CACNA1C: variants seen among roughly 807,000 people sequenced by gnomAD.
CACNA1C encodes the protein voltage-dependent L-type calcium channel subunit alpha-1C.
In CACNA1C, 30 loss-of-function variants were observed where a neutral mutation model predicts 229.0. That is an observed-to-expected ratio of 0.13 (90% CI 0.10 to 0.18). The LOEUF (loss-of-function observed/expected upper bound fraction) is 0.18. Among genes scored for constraint, CACNA1C ranks in the 10% least tolerant of loss-of-function variants. The pLI is 1.00. For synonymous variants in CACNA1C, 1,114 were observed against 1,132.5 expected, an observed-to-expected ratio of 0.98 and a Z score of 0.33; for missense variants, 1,658 against 2,845.0, an observed-to-expected ratio of 0.58 and a Z score of 9.49.
chr12:2,484,549 A>G (rs2154570281), intron 5 of CACNA1C, among the ~76,000 whole-genome samples: 1 of 152,174 alleles, frequency 6.6e-6, no homozygotes, highest in African/African-American at 2.4e-5. Context: ...CCTGGAGGGG[A>G]GCCTCCCGAT....
At chr12:2,627,722 C>T (rs2153538906) in intron 29 of CACNA1C, among the ~76,000 whole-genome samples, 1 of 152,318 alleles carries the variant, frequency 6.6e-6, no homozygotes, top group East Asian at 1.9e-4. Context: ...CCTCCAGCTG[C>T]TTCCTGACTG....
At chr12:2,210,807 A>C (rs754576393) in intron 3 of CACNA1C, among the ~76,000 whole-genome samples, 1 of 152,160 alleles carries the variant, frequency 6.6e-6, no homozygotes, top group Non-Finnish European at 1.5e-5. Context: ...ACCCCAGCAC[A>C]TTTCTGGAGG....
intron 3 of CACNA1C, among the ~76,000 whole-genome samples, chr12:2,417,544 A>C (rs1350565689): frequency 6.6e-6 from 1 of 152,188 alleles, no homozygotes; most frequent in East Asian, 1.9e-4. Flanking sequence ...CTGTCGGATC[A>C]AGGGGCCCTG....
chr12:2,474,479 G>C (rs1478820326), intron 5 of CACNA1C, among the ~76,000 whole-genome samples: 1 of 152,216 alleles, frequency 6.6e-6, no homozygotes, highest in African/African-American at 2.4e-5. Context: ...GCCAGGCCAG[G>C]CGCAGTAGCT....
rs1385657296 is a variant in CACNA1C, at chr12:2,071,065, CCCTT to C, written c.49+17468_49+17471del. On this transcript the variant is annotated intron_variant, in intron 1 of 46. Coordinates refer to ENST00000399655, the MANE Select transcript of CACNA1C (RefSeq NM_000719.7). ...TTTCCCCTTCCCTTCCTCCCTCCCT[CCCTT>C]CCTTCCTTCCTTCTCTTTCTCCTTC... Among the ~76,000 whole-genome samples, 235 of 115,718 alleles carry C rather than the reference CCCTT, an allele frequency of 2.0e-3. 1 individual carries two copies. The highest frequency in any genetic ancestry group is 2.8e-3 in the Non-Finnish European group (154 of 55,116). The allele number at this position is 115,718 out of a possible 152,430, so 75.9% of individuals were successfully genotyped here. A position where few individuals can be genotyped will look rare whatever the true frequency, so the allele number is the denominator to read the frequency against.
intron 29 of CACNA1C, among the ~76,000 whole-genome samples, chr12:2,627,924 G>A (rs1245431876): frequency 6.6e-6 from 1 of 152,220 alleles, no homozygotes; most frequent in Admixed American, 6.5e-5. Context: ...CACAGGGCCG[G>A]GGAACTCAGG....
rs2099767068 is a variant in CACNA1C, at chr12:2,504,370, G to A, written c.1114-472G>A. ...GTCCCCTCCCAATCTGCTCACACCT[G>A]CTGCCTGCCTCTTTGCTGTAACCCA... On this transcript the variant is annotated intron_variant, in intron 7 of 46. Coordinates refer to ENST00000399655, the MANE Select transcript of CACNA1C (RefSeq NM_000719.7). The surrounding 1 kb of genome is among the most constrained non-coding windows in gnomAD (Gnocchi z 6.8). The A allele has an allele frequency of 5.6e-6, 5 of 891,474 alleles. No individual in the cohort carries two copies. The East Asian group carries it at 7.2e-5, about 13-fold the overall frequency. The allele number at this position is 891,474 out of a possible 1,614,324, so 55.2% of individuals were successfully genotyped here.
At chr12:2,462,835 C>T (rs2099520082) in intron 5 of CACNA1C, among the ~76,000 whole-genome samples, 1 of 151,300 alleles carries the variant, frequency 6.6e-6, no homozygotes, top group East Asian at 1.9e-4. Context: ...GTTTTTCTTA[C>T]AACAAATAGG....
chr12:2,059,845 T>C (rs1271256337), intron 1 of CACNA1C, among the ~76,000 whole-genome samples: 1 of 152,168 alleles, frequency 6.6e-6, no homozygotes, highest in Non-Finnish European at 1.5e-5. Context: ...CCACACTTGG[T>C]GCTGGCCCCC....
chr12:2,456,883 C>T (rs1463837725), intron 4 of CACNA1C, among the ~76,000 whole-genome samples: 1 of 152,230 alleles, frequency 6.6e-6, no homozygotes, highest in African/African-American at 2.4e-5. Context: ...TGCTATAGCC[C>T]CAGTGTCTGG....
intron 3 of CACNA1C, among the ~76,000 whole-genome samples, chr12:2,432,023 G>A (rs1349402968): frequency 6.6e-6 from 1 of 152,160 alleles, no homozygotes; most frequent in Non-Finnish European, 1.5e-5. Flanking sequence ...TTAAGGGCAG[G>A]TCCCCAGCTT....
intron 3 of CACNA1C, among the ~76,000 whole-genome samples, chr12:2,411,293 G>A (rs1217581117): frequency 1.3e-5 from 2 of 152,172 alleles, no homozygotes; most frequent in Non-Finnish European, 2.9e-5. Flanking sequence ...AAAGCAGGGT[G>A]ACTGGAAGTA....
intron 5 of CACNA1C, among the ~76,000 whole-genome samples, chr12:2,477,389 A>AC (rs1313530253): frequency 6.6e-6 from 1 of 152,190 alleles, no homozygotes; most frequent in East Asian, 1.9e-4. Context: ...GGCTCACAAA[A>AC]CTTAGAAGCC....
rs1428175722 is a variant in CACNA1C, at chr12:2,690,812, AC to A, written c.6118-83del. ...CACTTCCCCAAGTGACCTACCAGAT[AC>A]CCCCTCGCTCTAGCCCTCAAGGGAA... On this transcript the variant is annotated intron_variant, in intron 46 of 46. Transcript: ENST00000399655. 1.4e-5 allele frequency: 18 copies of A among 1,304,028 alleles called. No homozygotes were observed. The East Asian group carries it at 1.8e-4, about 13-fold the overall frequency. The allele number at this position is 1,304,028 out of a possible 1,614,324, so 80.8% of individuals were successfully genotyped here. A position where few individuals can be genotyped will look rare whatever the true frequency, so the allele number is the denominator to read the frequency against.
chr12:2,671,511 A>C (rs2096568992), intron 38 of CACNA1C, among the ~76,000 whole-genome samples: 1 of 152,208 alleles, frequency 6.6e-6, no homozygotes, highest in African/African-American at 2.4e-5. Context: ...GAGAGGCGAT[A>C]TAAATGACTG....
intron 3 of CACNA1C, among the ~76,000 whole-genome samples, chr12:2,173,858 A>T (rs1056080137): frequency 2.0e-5 from 3 of 152,096 alleles, no homozygotes; most frequent in Non-Finnish European, 4.4e-5. Flanking sequence ...TGCTATGATG[A>T]TGGGGAGCCC....
At chr12:2,569,215 C>A (rs1281402839) in intron 13 of CACNA1C, among the ~76,000 whole-genome samples, 2 of 152,154 alleles carry the variant, frequency 1.3e-5, no homozygotes, top group Non-Finnish European at 2.9e-5. Flanking sequence ...GGCTGAGGGG[C>A]ACCATGCTCT....
chr12:2,597,338 C>T lies in CACNA1C; in HGVS notation c.2853+49C>T. The stretch of plus-strand genomic sequence containing the variant: ...TCCTCCTGTCCCCCTTGTGCCAGCA[C>T]CAGGTCTCTGCCGCTGTCTGTCGCT... On this transcript the variant is annotated intron_variant, in intron 21 of 46. Coordinates refer to ENST00000399655, the MANE Select transcript of CACNA1C (RefSeq NM_000719.7). The surrounding 1 kb of genome is among the most constrained non-coding windows in gnomAD (Gnocchi z 4.3). 1 of 1,520,910 alleles carries T rather than the reference C, an allele frequency of 6.6e-7. No homozygotes were observed. Among genetic ancestry groups the T allele is most frequent in the African/African-American group, 1.4e-5 (1 of 73,276 alleles). 94.2% of individuals were successfully genotyped at this position (1,520,910 alleles called of 1,614,324 possible). A position where few individuals can be genotyped will look rare whatever the true frequency, so the allele number is the denominator to read the frequency against.
intron 11 of CACNA1C, among the ~76,000 whole-genome samples, chr12:2,562,703 CA>C (rs1427200485): frequency 6.6e-6 from 1 of 152,146 alleles, no homozygotes; most frequent in Non-Finnish European, 1.5e-5. Context: ...GCAAGAATCC[CA>C]AAGTGCATTT....
Sources: allele counts gnomAD v4.1 joint callset (sites outside exome capture counted in the v4.1 genomes callset), GRCh38; gene constraint gnomAD v4.1.1; non-coding constraint Gnocchi (gnomAD v3.1); transcripts MANE v1.5; gene names NCBI Gene and HGNC (gene_info 2026-07-23, HGNC 2026-07-21).